Variants in MCCC2 observed in about 807,000 individuals in gnomAD.
MCCC2 encodes the protein methylcrotonyl-CoA carboxylase subunit 2.
MCCC2 carries 52 observed loss-of-function variants against 77.2 expected under a neutral mutation model. The observed-to-expected ratio is 0.67, with a 90% CI of 0.54 to 0.85. The LOEUF (loss-of-function observed/expected upper bound fraction) is 0.85, where lower values mean the gene tolerates loss of function less well. Ranked by LOEUF, MCCC2 falls within the 40% of genes least tolerant of loss-of-function variation. MCCC2 has a pLI of 0.00. For synonymous variants in MCCC2, 253 were observed against 248.4 expected, an observed-to-expected ratio of 1.02 and a Z score of -0.18; for missense variants, 682 against 703.2, an observed-to-expected ratio of 0.97 and a Z score of 0.34.
At chr5:71,649,045 T>G in intron 13 of MCCC2, 52 bp from the exon 14 acceptor site, 1 of 1,601,376 alleles carries the variant, frequency 6.2e-7, no homozygotes, top group South Asian at 1.1e-5. Context: ...GGAATTGCGT[T>G]CCGCATATTA....
intron 6 of MCCC2, among the ~76,000 whole-genome samples, chr5:71,626,216 A>T (rs544572059): frequency 1.3e-5 from 2 of 152,348 alleles, no homozygotes; most frequent in South Asian, 4.1e-4. Context: ...TATTAATAAC[A>T]TCCATTTGAA....
At chr5:71,597,050 G>C (rs550400434) in intron 3 of MCCC2, among the ~76,000 whole-genome samples, 2 of 152,256 alleles carry the variant, frequency 1.3e-5, no homozygotes, top group East Asian at 3.9e-4. Flanking sequence ...GCAAGTTGCA[G>C]TTTTAAGAGG....
At chr5:71,594,690 G>A (rs1745106442) in intron 2 of MCCC2, among the ~76,000 whole-genome samples, 2 of 152,008 alleles carry the variant, frequency 1.3e-5, no homozygotes, top group African/African-American at 4.8e-5. Flanking sequence ...AGGAGGTAGG[G>A]AGAAGGGGGA....
Position 71,604,206 on chromosome 5 carries a change from T to G in MCCC2, c.512-150T>G, listed in dbSNP as rs1745572085. 5.8e-6 allele frequency: 4 copies of G among 688,290 alleles called. No individual in the cohort carries two copies. The East Asian group carries it at 1.1e-4, about 19-fold the overall frequency. The allele number at this position is 688,290 out of a possible 1,614,324, so 42.6% of individuals were successfully genotyped here. On this transcript the variant is annotated intron_variant, in intron 5 of 16. Transcript: ENST00000340941. Reference sequence around the variant, plus strand: ...AATCCTTTTGGCTGCATTGGGGGTTTGGAGAACGAGGCTCTATAACAGTTT... The same window carrying G: ...AATCCTTTTGGCTGCATTGGGGGTTGGGAGAACGAGGCTCTATAACAGTTT...
rs939752995 is a variant in MCCC2, at chr5:71,658,140, TC to T, written c.*1283del. On this transcript the variant is annotated 3_prime_UTR_variant, in exon 17 of 17. Transcript: ENST00000340941. The stretch of plus-strand genomic sequence containing the variant: ...CAGTGATTTCTTGTAGAAGTGCCAA[TC>T]CCTGAATGCCACCAAGATCTTAATC... 3 of 152,172 alleles carry T rather than the reference TC, an allele frequency of 2.0e-5. No individual in the cohort carries two copies. The highest frequency in any genetic ancestry group is 7.2e-5 in the African/African-American group (3 of 41,430). The allele number at this position is 152,172 out of a possible 1,614,324, so 9.4% of individuals were successfully genotyped here.
chr5:71,616,875 C>G (rs1350778675), intron 6 of MCCC2, among the ~76,000 whole-genome samples: 2 of 152,184 alleles, frequency 1.3e-5, no homozygotes, highest in African/African-American at 4.8e-5. Flanking sequence ...CCTCTCCACT[C>G]TGTTCCTACT....
intron 5 of MCCC2, 75 bp downstream of exon 5, chr5:71,602,708 T>G: frequency 6.3e-7 from 1 of 1,597,396 alleles, no homozygotes; most frequent in Non-Finnish European, 8.6e-7. Flanking sequence ...CTGTATGTAT[T>G]ACATTTGGGA....
At chr5:71,614,051 T>C (rs909317895) in intron 6 of MCCC2, among the ~76,000 whole-genome samples, 23 of 54,318 alleles carry the variant, frequency 4.2e-4, no homozygotes, top group Admixed American at 1.6e-3. Flanking sequence ...CACACACACA[T>C]ATATCAGTAT....
At chr5:71,589,301 C>A (rs938209994) in intron 1 of MCCC2, among the ~76,000 whole-genome samples, 5 of 152,144 alleles carry the variant, frequency 3.3e-5, no homozygotes, top group Admixed American at 6.5e-5. Flanking sequence ...AACAAATAAT[C>A]AAAAAATCTC....
At chr5:71,619,860 G>A (rs969827888) in intron 6 of MCCC2, among the ~76,000 whole-genome samples, 2 of 151,944 alleles carry the variant, frequency 1.3e-5, no homozygotes, top group African/African-American at 4.8e-5. Flanking sequence ...GCATGGTGGT[G>A]GGTGCCTGTA....
intron 3 of MCCC2, among the ~76,000 whole-genome samples, chr5:71,596,815 T>C (rs1241664318): frequency 1.3e-5 from 2 of 151,920 alleles, no homozygotes; most frequent in African/African-American, 4.8e-5. Flanking sequence ...TGGCATGTGC[T>C]TGTAGTCCCA....
At chr5:71,622,741 G>A (rs927126879) in intron 6 of MCCC2, among the ~76,000 whole-genome samples, 3 of 152,216 alleles carry the variant, frequency 2.0e-5, no homozygotes, top group Admixed American at 6.5e-5. Context: ...CTGGCTTCAA[G>A]CAGTCTTCCT....
chr5:71,619,566 T>G (rs1048574121), intron 6 of MCCC2, among the ~76,000 whole-genome samples: 2 of 152,106 alleles, frequency 1.3e-5, no homozygotes, highest in Non-Finnish European at 2.9e-5. Flanking sequence ...CGTTGTTTTA[T>G]TTGTTTATTT....
intron 1 of MCCC2, among the ~76,000 whole-genome samples, chr5:71,589,187 C>A (rs1744874237): frequency 6.6e-6 from 1 of 152,112 alleles, no homozygotes; most frequent in South Asian, 2.1e-4. Flanking sequence ...TTTGGAGTTT[C>A]CAACTGGGCA....
At chr5:71,613,663 G>A (rs1429598047) in intron 6 of MCCC2, among the ~76,000 whole-genome samples, 6 of 152,060 alleles carry the variant, frequency 3.9e-5, no homozygotes, top group Admixed American at 3.3e-4. Context: ...TTGAGCCCAG[G>A]AGGTTGAAGC....
chr5:71,605,693 A>G (rs1350543686), intron 6 of MCCC2, among the ~76,000 whole-genome samples: 2 of 151,930 alleles, frequency 1.3e-5, no homozygotes, highest in Non-Finnish European at 2.9e-5. Flanking sequence ...GTTTTCTTCT[A>G]GGGTTTTTAT....
intron 2 of MCCC2, among the ~76,000 whole-genome samples, chr5:71,594,985 G>GCC (rs74428844): frequency 1.7e-4 from 25 of 149,100 alleles, no homozygotes; most frequent in Non-Finnish European, 3.1e-4. Flanking sequence ...TACAACCTTG[G>GCC]CCCCCCGGGT....
At chr5:71,597,394 T>C (rs1440378015) in intron 3 of MCCC2, among the ~76,000 whole-genome samples, 1 of 152,194 alleles carries the variant, frequency 6.6e-6, no homozygotes, top group Non-Finnish European at 1.5e-5. Context: ...GAGATGATTA[T>C]GATCTGACAT....
intron 16 of MCCC2, among the ~76,000 whole-genome samples, chr5:71,653,844 C>T (rs1294878379): frequency 1.9e-5 from 2 of 106,938 alleles, no homozygotes. Flanking sequence ...GAACAAGGCC[C>T]TATCTCAAAA....
Sources: allele counts gnomAD v4.1 joint callset (sites outside exome capture counted in the v4.1 genomes callset), GRCh38; gene constraint gnomAD v4.1.1; transcripts MANE v1.5; gene names NCBI Gene and HGNC (gene_info 2026-07-23, HGNC 2026-07-21).